GRK5: variants seen among roughly 807,000 people sequenced by gnomAD.
GRK5 encodes the protein g protein-coupled receptor kinase GRK5.
In GRK5, 40 loss-of-function variants were observed where a neutral mutation model predicts 78.4. The ratio of observed to expected loss-of-function variants is 0.51; its 90% CI spans 0.40 to 0.66. The LOEUF (loss-of-function observed/expected upper bound fraction) is 0.66. Ranked by LOEUF, GRK5 falls within the 30% of genes least tolerant of loss-of-function variation. The pLI, the probability that GRK5 is intolerant of heterozygous loss-of-function variation, is 0.00. For missense variants in GRK5, 598 were observed against 759.9 expected (o/e 0.79, Z 2.50); for synonymous variants, 289 against 296.8 (o/e 0.97, Z 0.27).
intron 1 of GRK5, among the ~76,000 whole-genome samples, chr10:119,244,708 T>G (rs905425409): frequency 6.6e-6 from 1 of 152,126 alleles, no homozygotes; most frequent in Non-Finnish European, 1.5e-5. Flanking sequence ...CACTCCAGCC[T>G]GAGCAACAGA....
At chr10:119,249,206 G>GGGT (rs1849159083) in intron 1 of GRK5, among the ~76,000 whole-genome samples, 1 of 151,882 alleles carries the variant, frequency 6.6e-6, no homozygotes, top group African/African-American at 2.4e-5. Context: ...AGGAAGCGGA[G>GGGT]GTTGCAGTGA....
chr10:119,213,542 A>G (rs1362469066), intron 1 of GRK5, among the ~76,000 whole-genome samples: 2 of 152,148 alleles, frequency 1.3e-5, no homozygotes, highest in Non-Finnish European at 2.9e-5. Context: ...AAAATGTATT[A>G]TGGCCTTAAA....
chr10:119,286,634 C>G (rs973535338), intron 1 of GRK5, among the ~76,000 whole-genome samples: 3 of 152,208 alleles, frequency 2.0e-5, no homozygotes, highest in African/African-American at 7.2e-5. Context: ...TCTGGAGTGG[C>G]TGGCAGGAAT....
At chr10:119,417,817 G>A (rs563819896) in intron 4 of GRK5, among the ~76,000 whole-genome samples, 1 of 152,186 alleles carries the variant, frequency 6.6e-6, no homozygotes, top group African/African-American at 2.4e-5. Context: ...CATCCGTTTC[G>A]GTGGGGGGTC....
chr10:119,340,481 G>T (rs562111684), intron 2 of GRK5, among the ~76,000 whole-genome samples: 12 of 152,280 alleles, frequency 7.9e-5, no homozygotes, highest in East Asian at 5.8e-4. Flanking sequence ...TATGTCAATG[G>T]TTGCAATTTC....
chr10:119,408,341 C>CAAAAA (rs67973033), intron 4 of GRK5, among the ~76,000 whole-genome samples: 19,186 of 48,424 alleles, frequency 0.4, 4,088 homozygotes, highest in Non-Finnish European at 0.47. Flanking sequence ...AACCCTGTCT[C>CAAAAA]AAAAAAAAAA....
rs569994997 is a variant in GRK5 at position 119,237,425 on chromosome 10, C to T, written c.52+29456C>T. On this transcript the variant is annotated intron_variant, in intron 1 of 15. Coordinates refer to ENST00000392870, the MANE Select transcript of GRK5 (RefSeq NM_005308.3). ...ACAAATTCTCATTTGAAAAAATAAGCACTATGGCCAGCACAGGACTGACTT... is the reference window on the plus strand; with the variant it reads ...ACAAATTCTCATTTGAAAAAATAAGTACTATGGCCAGCACAGGACTGACTT... 5.4e-4 allele frequency among the ~76,000 whole-genome samples: 83 copies of T among 152,302 alleles called. 1 individual carries two copies. Among genetic ancestry groups the T allele is most frequent in the Admixed American group, 1.0e-3 (16 of 15,296 alleles).
chr10:119,421,435 G>A (rs1268722178), intron 4 of GRK5, among the ~76,000 whole-genome samples: 3 of 152,234 alleles, frequency 2.0e-5, no homozygotes, highest in Non-Finnish European at 4.4e-5. Context: ...AGGGTGAGAC[G>A]GAGGCACAAA....
chr10:119,438,197 G>A (rs1355049209), intron 9 of GRK5, among the ~76,000 whole-genome samples: 1 of 152,138 alleles, frequency 6.6e-6, no homozygotes, highest in African/African-American at 2.4e-5. Context: ...GGAGTGGGTC[G>A]CTACAGTCAT....
intron 4 of GRK5, among the ~76,000 whole-genome samples, chr10:119,397,337 G>A (rs186284129): frequency 1.6e-3 from 248 of 152,262 alleles, no homozygotes; most frequent in Middle Eastern, 6.8e-3. Context: ...CAGCAGCCTC[G>A]GTTCTCCAAG....
At chr10:119,320,447 C>G (rs1850565657) in intron 1 of GRK5, among the ~76,000 whole-genome samples, 1 of 152,208 alleles carries the variant, frequency 6.6e-6, no homozygotes, top group South Asian at 2.1e-4. Flanking sequence ...TGAAAATGTG[C>G]TGCATGCGTT....
rs1459494375 is a variant in GRK5 at position 119,379,180 on chromosome 10, G to C, written c.149-1635G>C. Among the ~76,000 whole-genome samples the C allele has an allele frequency of 1.3e-5, 2 of 152,206 alleles. No individual in the cohort carries two copies. The highest frequency in any genetic ancestry group is 2.4e-5 in the African/African-American group (1 of 41,446). On this transcript the variant is annotated intron_variant, in intron 2 of 15. Coordinates refer to ENST00000392870, the MANE Select transcript of GRK5 (RefSeq NM_005308.3). This position sits in a 1 kb window ranked among gnomAD's most constrained non-coding sequence, Gnocchi z 4.1. ...TTATTAATGTGCCAGCATCTGGTCTGAGTGGTTTCTATGTATTGTCTTATT... is the reference window on the plus strand; with the variant it reads ...TTATTAATGTGCCAGCATCTGGTCTCAGTGGTTTCTATGTATTGTCTTATT...
intron 2 of GRK5, chr10:119,335,129 CCTCTCTCTCTCTCTCTCTCT>C (rs71016564): frequency 9.1e-4 from 9 of 9,870 alleles, no homozygotes; most frequent in South Asian, 5.8e-3. Context: ...GCCTGCCTTG[CCTCTCTCTCTCTCTCTCTCT>C]CTCTCTCTCT....
chr10:119,376,979 CGTGCGTGTGTGTAT>C (rs1372689060), intron 2 of GRK5, among the ~76,000 whole-genome samples: 1 of 151,984 alleles, frequency 6.6e-6, no homozygotes, highest in Non-Finnish European at 1.5e-5. Flanking sequence ...TGCGCATGCG[CGTGCGTGTGTGTAT>C]GTGCGTGCGT....
At chr10:119,247,477 C>T (rs1171372525) in intron 1 of GRK5, among the ~76,000 whole-genome samples, 1 of 152,134 alleles carries the variant, frequency 6.6e-6, no homozygotes, top group African/African-American at 2.4e-5. Flanking sequence ...TATCACACAC[C>T]AGATGAAACC....
intron 2 of GRK5, among the ~76,000 whole-genome samples, chr10:119,332,950 G>A (rs904777973): frequency 2.6e-5 from 4 of 152,064 alleles, no homozygotes; most frequent in African/African-American, 4.8e-5. Context: ...TTTATTTAAT[G>A]TTCTTACCCA....
chr10:119,377,020 T>C (rs948817101), intron 2 of GRK5, among the ~76,000 whole-genome samples: 1 of 152,174 alleles, frequency 6.6e-6, no homozygotes, highest in African/African-American at 2.4e-5. Context: ...GGACAGTGTG[T>C]GTGTGCCTGT....
At chr10:119,416,503 C>G (rs992939949) in intron 4 of GRK5, among the ~76,000 whole-genome samples, 1 of 152,224 alleles carries the variant, frequency 6.6e-6, no homozygotes, top group Non-Finnish European at 1.5e-5. Context: ...GGCGCTGGCC[C>G]TGCAGTCCAG....
chr10:119,322,027 C>CT (rs1320263988), intron 1 of GRK5, among the ~76,000 whole-genome samples: 1 of 152,216 alleles, frequency 6.6e-6, no homozygotes, highest in Non-Finnish European at 1.5e-5. Flanking sequence ...TGCACCCAGG[C>CT]TAGAGTGCAG....
Sources: gnomAD v4.1 joint callset for allele counts (sites outside exome capture counted in the v4.1 genomes callset) on GRCh38, gnomAD v4.1.1 for gene constraint, Gnocchi (gnomAD v3.1) non-coding constraint, MANE v1.5 for transcripts, NCBI Gene and HGNC (gene_info 2026-07-23, HGNC 2026-07-21) for gene names.